MKLN1: variants seen among roughly 807,000 people sequenced by gnomAD.
MKLN1 encodes the protein muskelin 1, also known as muskelin.
Under a neutral mutation model 99.0 loss-of-function variants are expected in MKLN1, and 18 were observed. The ratio of observed to expected loss-of-function variants is 0.18; its 90% CI spans 0.13 to 0.27. The LOEUF (loss-of-function observed/expected upper bound fraction) is 0.27. Among genes scored for constraint, MKLN1 ranks in the 10% least tolerant of loss-of-function variants. The probability of loss-of-function intolerance (pLI) is 1.00; values close to 1 mark genes in which losing one functional copy is unlikely to be tolerated. For synonymous variants in MKLN1, 288 were observed against 293.2 expected (o/e 0.98, Z 0.18); for missense variants, 621 against 875.9 (o/e 0.71, Z 3.67).
chr7:131,136,191 T>C (rs1335314579), intron 1 of MKLN1, among the ~76,000 whole-genome samples: 1 of 152,220 alleles, frequency 6.6e-6, no homozygotes, highest in Non-Finnish European at 1.5e-5. Flanking sequence ...CAAACACCTC[T>C]TGCAGGCATG....
At chr7:131,318,103 A>G (rs956264915) in intron 3 of MKLN1, among the ~76,000 whole-genome samples, 1 of 152,218 alleles carries the variant, frequency 6.6e-6, no homozygotes, top group Non-Finnish European at 1.5e-5. Context: ...CTCTGGATCA[A>G]GTGGACTTAA....
chr7:131,309,621 T>C (rs9719620), intron 3 of MKLN1: 67,680 of 151,264 alleles, frequency 0.45, 16,638 homozygotes, highest in Admixed American at 0.58. Flanking sequence ...CCACATTGGT[T>C]AAGCTGGTCT....
At chr7:131,133,271 C>T (rs983103492) in intron 1 of MKLN1, among the ~76,000 whole-genome samples, 5 of 151,308 alleles carry the variant, frequency 3.3e-5, no homozygotes, top group Non-Finnish European at 5.9e-5. Flanking sequence ...ACTTCAAAGA[C>T]GAGTCTTCAC....
chr7:131,422,307 G>C (rs954685269), intron 8 of MKLN1, among the ~76,000 whole-genome samples: 1 of 152,154 alleles, frequency 6.6e-6, no homozygotes, highest in African/African-American at 2.4e-5. Context: ...CAGAGTTTTG[G>C]GATGCTGAGG....
At chr7:131,453,520 CT>C (rs919326091) in intron 12 of MKLN1, among the ~76,000 whole-genome samples, 2 of 152,104 alleles carry the variant, frequency 1.3e-5, no homozygotes, top group African/African-American at 4.8e-5. Flanking sequence ...AAGACTCTTT[CT>C]CTTTAAATAA....
At chr7:131,471,366 G>A (rs988053465) in intron 16 of MKLN1, among the ~76,000 whole-genome samples, 2 of 152,164 alleles carry the variant, frequency 1.3e-5, no homozygotes, top group African/African-American at 4.8e-5. Context: ...AAGAGAGGTT[G>A]GTGGGAGTTA....
intron 1 of MKLN1, among the ~76,000 whole-genome samples, chr7:131,111,970 G>A (rs991339711): frequency 3.2e-4 from 49 of 152,254 alleles, no homozygotes; most frequent in African/African-American, 1.1e-3. Context: ...TGTACTAATT[G>A]TCTTTTTTAC....
At chr7:131,358,150 C>G (rs2116790650) in intron 1 of MKLN1, among the ~76,000 whole-genome samples, 1 of 152,184 alleles carries the variant, frequency 6.6e-6, no homozygotes, top group South Asian at 2.1e-4. Context: ...CATCTAGTTT[C>G]TCACCATTAA....
intron 8 of MKLN1, among the ~76,000 whole-genome samples, chr7:131,427,860 G>A (rs1178353506): frequency 0.016 from 4 of 256 alleles, no homozygotes; most frequent in East Asian, 0.12. Flanking sequence ...AATTGGAAAC[G>A]CCTATTATTG....
chr7:131,295,680 C>G (rs910563898), intron 3 of MKLN1, among the ~76,000 whole-genome samples: 3 of 151,942 alleles, frequency 2.0e-5, no homozygotes, highest in African/African-American at 7.3e-5. Context: ...GCTTAGGAGT[C>G]TGATACCAGC....
intron 3 of MKLN1, among the ~76,000 whole-genome samples, chr7:131,263,862 G>A (rs189089306): frequency 6.6e-6 from 1 of 152,202 alleles, no homozygotes; most frequent in African/African-American, 2.4e-5. Flanking sequence ...GAGCCACCAC[G>A]CCCAGCCTGA....
At chr7:131,467,976 T>C (rs1195977238) in intron 15 of MKLN1, among the ~76,000 whole-genome samples, 2 of 152,140 alleles carry the variant, frequency 1.3e-5, no homozygotes, top group Non-Finnish European at 1.5e-5. Flanking sequence ...GGCCTGACAT[T>C]ACAGTTGTGA....
intron 1 of MKLN1, 117 bp from the exon 2 acceptor site, chr7:131,375,307 A>G (rs1166166550): frequency 1.5e-6 from 1 of 647,580 alleles, no homozygotes. Context: ...TTTGTTTTCT[A>G]TTCTTATTCA....
chr7:131,468,942 A>G (rs1796733855), intron 15 of MKLN1, among the ~76,000 whole-genome samples: 2 of 152,200 alleles, frequency 1.3e-5, no homozygotes, highest in African/African-American at 4.8e-5. Context: ...TAGATTATTC[A>G]GGGAATTAAG....
chr7:131,139,671 C>T (rs1339407458), intron 1 of MKLN1, among the ~76,000 whole-genome samples: 1 of 152,198 alleles, frequency 6.6e-6, no homozygotes, highest in African/African-American at 2.4e-5. Flanking sequence ...ATTCATCCCT[C>T]TGTAGGTCAT....
At chr7:131,464,825 A>G (rs934504146) in intron 14 of MKLN1, among the ~76,000 whole-genome samples, 1 of 152,204 alleles carries the variant, frequency 6.6e-6, no homozygotes, top group African/African-American at 2.4e-5. Context: ...TTTTCCTGAT[A>G]TACTAGTGAT....
chr7:131,139,782 T>C lies in MKLN1; in HGVS notation c.-418-3038T>C, dbSNP rs140547270. On this transcript the variant is annotated intron_variant, in intron 1 of 7. Coordinates refer to the MKLN1 transcript ENST00000416992. ...GACCTCAGAGGCCTAGGGACAGGGG[T>C]GGGTACAGAAGAAGAGTTAGGAGGA... Among the ~76,000 whole-genome samples, 649 of 151,598 alleles carry C rather than the reference T, an allele frequency of 4.3e-3. 6 individuals are homozygous for C. Among genetic ancestry groups the C allele is most frequent in the African/African-American group, 0.014 (580 of 41,288 alleles).
chr7:131,419,212 C>G (rs1044353989), intron 8 of MKLN1, among the ~76,000 whole-genome samples: 1 of 138,562 alleles, frequency 7.2e-6, no homozygotes, highest in Non-Finnish European at 1.6e-5. Flanking sequence ...TGGGAAGATT[C>G]ATTACATATA....
intron 1 of MKLN1, among the ~76,000 whole-genome samples, chr7:131,125,132 A>G (rs1795433863): frequency 6.6e-6 from 1 of 152,186 alleles, no homozygotes; most frequent in Non-Finnish European, 1.5e-5. Flanking sequence ...ATGCTTTCCC[A>G]ATACAAATGA....
Sources: allele counts gnomAD v4.1 joint callset (sites outside exome capture counted in the v4.1 genomes callset), GRCh38; gene constraint gnomAD v4.1.1; transcripts MANE v1.5; gene names NCBI Gene and HGNC (gene_info 2026-07-23, HGNC 2026-07-21).